Variants in CAMK2D observed in about 807,000 individuals in gnomAD.
The protein encoded by CAMK2D is calcium/calmodulin-dependent protein kinase type II subunit delta.
CAMK2D carries 37 observed loss-of-function variants against 84.0 expected under a neutral mutation model. That is an observed-to-expected ratio of 0.44 (90% CI 0.34 to 0.58). The LOEUF (loss-of-function observed/expected upper bound fraction) is 0.58. Ranked by LOEUF, CAMK2D falls within the 20% of genes least tolerant of loss-of-function variation. The pLI, the probability that CAMK2D is intolerant of heterozygous loss-of-function variation, is 0.02. For synonymous variants in CAMK2D, 202 were observed against 212.5 expected (o/e 0.95, Z 0.43); for missense variants, 448 against 652.5 (o/e 0.69, Z 3.41).
intron 2 of CAMK2D, among the ~76,000 whole-genome samples, chr4:113,717,366 G>GT (rs2099516805): frequency 6.6e-6 from 1 of 151,828 alleles, no homozygotes; most frequent in Non-Finnish European, 1.5e-5. Context: ...CCCAATATGA[G>GT]TTTTTAAAAT....
intron 12 of CAMK2D, among the ~76,000 whole-genome samples, chr4:113,511,898 G>A (rs953575414): frequency 6.6e-6 from 1 of 152,096 alleles, no homozygotes; most frequent in Non-Finnish European, 1.5e-5. Flanking sequence ...TGCAAAGGTG[G>A]GGAGAAAGGT....
chr4:113,556,645 G>A (rs186836141), intron 4 of CAMK2D, among the ~76,000 whole-genome samples: 3 of 152,238 alleles, frequency 2.0e-5, no homozygotes, highest in Admixed American at 6.5e-5. Context: ...CCTTGTCAGC[G>A]TGCCAACCAG....
intron 7 of CAMK2D, among the ~76,000 whole-genome samples, chr4:113,534,663 C>T (rs1437813305): frequency 6.6e-6 from 1 of 152,174 alleles, no homozygotes; most frequent in Non-Finnish European, 1.5e-5. Flanking sequence ...CTAAACAACT[C>T]TCACTGAATA....
rs78101192 is a variant in CAMK2D at position 113,486,795 on chromosome 4, T to C, written c.1135+13668A>G. The stretch of plus-strand genomic sequence containing the variant: ...TGGACTGAACACAACTATTGTAGTT[T>C]AGTTAAGTGCTATTGATCACGATTC... On this transcript the variant is annotated intron_variant, in intron 16 of 20. Coordinates refer to ENST00000511664, the MANE Select transcript of CAMK2D (RefSeq NM_001321571.2). Among the ~76,000 whole-genome samples, 698 of 152,346 alleles carry C rather than the reference T, an allele frequency of 4.6e-3. 6 individuals are homozygous for C. The highest frequency in any genetic ancestry group is 0.016 in the African/African-American group (677 of 41,580).
intron 2 of CAMK2D, among the ~76,000 whole-genome samples, chr4:113,733,419 TA>T (rs1344027815): frequency 6.6e-6 from 1 of 152,212 alleles, no homozygotes; most frequent in Non-Finnish European, 1.5e-5. Context: ...CTGTCTAATT[TA>T]AAAAACTGTA....
At chr4:113,512,583 T>G (rs1423507856) in intron 12 of CAMK2D, among the ~76,000 whole-genome samples, 1 of 152,196 alleles carries the variant, frequency 6.6e-6, no homozygotes, top group Non-Finnish European at 1.5e-5. Flanking sequence ...TCCCTTTTTT[T>G]TGTTTTTTGA....
chr4:113,594,389 A>T, intron 4 of CAMK2D, among the ~76,000 whole-genome samples: 1 of 152,220 alleles, frequency 6.6e-6, no homozygotes, highest in East Asian at 1.9e-4. Flanking sequence ...GGCATACTAA[A>T]GGGCAAAAAC....
At chr4:113,645,273 C>T (rs1416431416) in intron 3 of CAMK2D, among the ~76,000 whole-genome samples, 1 of 152,164 alleles carries the variant, frequency 6.6e-6, no homozygotes, top group Non-Finnish European at 1.5e-5. Context: ...GCCTCAGCCT[C>T]CAAAAGTGCT....
chr4:113,575,252 T>C (rs2098775151), intron 4 of CAMK2D, among the ~76,000 whole-genome samples: 1 of 152,162 alleles, frequency 6.6e-6, no homozygotes, highest in South Asian at 2.1e-4. Context: ...ATATTATGTG[T>C]CTGTATGATA....
chr4:113,690,116 TCAAA>T (rs770456320), intron 2 of CAMK2D, among the ~76,000 whole-genome samples: 35 of 151,980 alleles, frequency 2.3e-4, no homozygotes, highest in Non-Finnish European at 4.7e-4. Flanking sequence ...AAAAAGTAGC[TCAAA>T]CAAAGAAAAG....
intron 2 of CAMK2D, among the ~76,000 whole-genome samples, chr4:113,748,879 A>C (rs570844839): frequency 6.6e-6 from 1 of 152,036 alleles, no homozygotes; most frequent in Non-Finnish European, 1.5e-5. Context: ...TTTATACAAA[A>C]CTGTAATAAA....
At chr4:113,582,475 T>C (rs2098814874) in intron 4 of CAMK2D, among the ~76,000 whole-genome samples, 1 of 152,180 alleles carries the variant, frequency 6.6e-6, no homozygotes, top group Non-Finnish European at 1.5e-5. Flanking sequence ...TGTGATCAAG[T>C]CAAAGTATGT....
intron 2 of CAMK2D, among the ~76,000 whole-genome samples, chr4:113,663,538 A>G (rs7661607): frequency 0.17 from 25,226 of 151,514 alleles, 3,314 homozygotes; most frequent in African/African-American, 0.35. Flanking sequence ...GCAGTGTGCT[A>G]AGAACGTGCC....
rs551520870 is a variant in CAMK2D at position 113,679,589 on chromosome 4, T to A, written c.161-17817A>T. ...CATGGGTAGAGAAAAAGCAAATTTT[T>A]AAAAACGCTGAATTGAGTTTTGACG... is the stretch of plus-strand genomic sequence containing the variant. On this transcript the variant is annotated intron_variant, in intron 2 of 20. Transcript: ENST00000511664. 4.2e-5 allele frequency: 9 copies of A among 214,250 alleles called. No individual in the cohort carries two copies. In the South Asian group the frequency reaches 1.2e-3, roughly 27 times the overall value. 13.3% of individuals were successfully genotyped at this position (214,250 alleles called of 1,614,324 possible). A position where few individuals can be genotyped will look rare whatever the true frequency, so the allele number is the denominator to read the frequency against.
At chr4:113,501,409 G>A (rs2098043672) in intron 15 of CAMK2D, among the ~76,000 whole-genome samples, 1 of 152,016 alleles carries the variant, frequency 6.6e-6, no homozygotes, top group Non-Finnish European at 1.5e-5. Context: ...TACTTGGAAT[G>A]ATTAAATGCT....
chr4:113,610,891 C>A (rs1379479796), intron 3 of CAMK2D, among the ~76,000 whole-genome samples: 1 of 152,042 alleles, frequency 6.6e-6, no homozygotes, highest in Non-Finnish European at 1.5e-5. Context: ...CAATACTGCC[C>A]AACAGGAACC....
chr4:113,498,487 A>G (rs554666262), intron 16 of CAMK2D, among the ~76,000 whole-genome samples: 4 of 152,324 alleles, frequency 2.6e-5, no homozygotes, highest in African/African-American at 9.6e-5. Flanking sequence ...GGCCAGATCC[A>G]CACCAGCAAA....
At chr4:113,683,986 A>T (rs2099352708) in intron 2 of CAMK2D, among the ~76,000 whole-genome samples, 1 of 152,162 alleles carries the variant, frequency 6.6e-6, no homozygotes, top group South Asian at 2.1e-4. Context: ...TCTGTACCTC[A>T]GTTTCTTCTT....
chr4:113,611,224 G>C (rs2098999064), intron 3 of CAMK2D, among the ~76,000 whole-genome samples: 1 of 152,106 alleles, frequency 6.6e-6, no homozygotes, highest in South Asian at 2.1e-4. Flanking sequence ...TAAAGAGTTT[G>C]GTTTGATGGT....
Sources: allele counts gnomAD v4.1 joint callset (sites outside exome capture counted in the v4.1 genomes callset), GRCh38; gene constraint gnomAD v4.1.1; transcripts MANE v1.5; gene names NCBI Gene and HGNC (gene_info 2026-07-23, HGNC 2026-07-21).